Variants in PPP4R2 observed in about 807,000 individuals in gnomAD.
PPP4R2 encodes protein phosphatase 4 regulatory subunit 2, also known as serine/threonine-protein phosphatase 4 regulatory subunit 2.
PPP4R2 carries 13 observed loss-of-function variants against 47.2 expected under a neutral mutation model. The observed-to-expected ratio is 0.28, with a 90% CI of 0.18 to 0.44. The LOEUF is 0.44. Ranked by LOEUF, PPP4R2 falls within the 20% of genes least tolerant of loss-of-function variation. The pLI, the probability that PPP4R2 is intolerant of heterozygous loss-of-function variation, is 1.00. For synonymous variants in PPP4R2, 151 were observed against 163.3 expected (o/e 0.92, Z 0.57); for missense variants, 421 against 491.2 (o/e 0.86, Z 1.35).
At chr3:73,037,237 CTAA>C (rs1223446263) in intron 2 of PPP4R2, among the ~76,000 whole-genome samples, 2 of 152,058 alleles carry the variant, frequency 1.3e-5, no homozygotes, top group African/African-American at 2.4e-5. Context: ...GATTTTAATG[CTAA>C]TGAGTATATT....
In PPP4R2 at chr3:73,065,031, TAGG is replaced by T; in HGVS notation, c.821_823del (p.Gly274del). On this transcript the variant is annotated inframe_deletion, in exon 8 of 9. Transcript: ENST00000356692. ...TCCAGCGAAATTTCTTCAGTTATGG[TAGG>T]AGAAACAGAAGCATCATCTTCATCT... 2 of 1,613,796 alleles carry T rather than the reference TAGG, an allele frequency of 1.2e-6. No homozygotes were observed. Among genetic ancestry groups the T allele is most frequent in the Non-Finnish European group, 1.7e-6 (2 of 1,179,852 alleles).
At chr3:73,032,061 G>C (rs554386359) in intron 2 of PPP4R2, among the ~76,000 whole-genome samples, 2 of 152,286 alleles carry the variant, frequency 1.3e-5, no homozygotes, top group South Asian at 4.1e-4. Flanking sequence ...CAGGCTTCCA[G>C]ACTCCAGAGC....
intron 2 of PPP4R2, among the ~76,000 whole-genome samples, chr3:73,043,749 A>G (rs970202665): frequency 3.9e-5 from 6 of 152,180 alleles, no homozygotes; most frequent in African/African-American, 1.2e-4. Flanking sequence ...GGAAATACCT[A>G]TTGAAATATA....
At chr3:73,054,779 A>G (rs1702694271) in intron 3 of PPP4R2, among the ~76,000 whole-genome samples, 1 of 152,176 alleles carries the variant, frequency 6.6e-6, no homozygotes, top group African/African-American at 2.4e-5. Flanking sequence ...GTCTGAATGA[A>G]GTGCGCACTT....
At chr3:73,053,411 A>C (rs1348842171) in intron 3 of PPP4R2, among the ~76,000 whole-genome samples, 1 of 152,204 alleles carries the variant, frequency 6.6e-6, no homozygotes, top group Non-Finnish European at 1.5e-5. Flanking sequence ...AATAAACTTA[A>C]AAATTGAAAT....
At chr3:73,009,472 C>T (rs772891388) in intron 2 of PPP4R2, among the ~76,000 whole-genome samples, 1 of 152,194 alleles carries the variant, frequency 6.6e-6, no homozygotes, top group Non-Finnish European at 1.5e-5. Flanking sequence ...CCTGTATGCA[C>T]ATGTGTATCT....
At position 73,067,434 on chromosome 3, in the gene PPP4R2, G is replaced by T. The variant is rs1165411506; in HGVS notation, c.*1712G>T. On this transcript the variant is annotated 3_prime_UTR_variant, in exon 9 of 9. Transcript: ENST00000356692. Reference sequence around the variant, plus strand: ...TTTGTAGGATAATATACTACTGACTGACTTGACTGTCAGGTTCACAACAGC... The same window carrying T: ...TTTGTAGGATAATATACTACTGACTTACTTGACTGTCAGGTTCACAACAGC... The T allele has an allele frequency of 6.6e-6, 1 of 152,088 alleles. No individual in the cohort carries two copies. Among genetic ancestry groups the T allele is most frequent in the Non-Finnish European group, 1.5e-5 (1 of 67,974 alleles). 9.4% of individuals were successfully genotyped at this position (152,088 alleles called of 1,614,324 possible). A position where few individuals can be genotyped will look rare whatever the true frequency, so the allele number is the denominator to read the frequency against.
At chr3:73,063,399 C>T (rs891434756) in intron 5 of PPP4R2, 1 of 277,908 alleles carries the variant, frequency 3.6e-6, no homozygotes, top group Non-Finnish European at 6.9e-6. Flanking sequence ...CGAGGTGGGC[C>T]GATCACTTGA....
intron 2 of PPP4R2, among the ~76,000 whole-genome samples, chr3:73,018,477 A>G (rs1345408853): frequency 1.7e-5 from 1 of 58,174 alleles, no homozygotes; most frequent in African/African-American, 7.3e-5. Flanking sequence ...TATCCGAAAC[A>G]GGGTCTTGCT....
intron 4 of PPP4R2, among the ~76,000 whole-genome samples, 156 bp downstream of exon 4, chr3:73,059,286 G>A (rs529256912): frequency 2.0e-5 from 3 of 152,244 alleles, no homozygotes; most frequent in African/African-American, 2.4e-5. Context: ...ATTGCATTCT[G>A]TTTTACAGAG....
rs1276633811 is a variant in PPP4R2, at chr3:73,068,451, A to G, written c.*2729A>G. ...ATATCCTTGTACATTTTTGAAAAAT[A>G]TATTTTCAGTTCTGAAAAATGTAGC... is the stretch of plus-strand genomic sequence containing the variant. On this transcript the variant is annotated 3_prime_UTR_variant, in exon 9 of 9. Transcript: ENST00000356692. 7 of 152,210 alleles carry G rather than the reference A, an allele frequency of 4.6e-5. No homozygotes were observed. The highest frequency in any genetic ancestry group is 2.1e-4 in the South Asian group (1 of 4,834). 9.4% of individuals were successfully genotyped at this position (152,210 alleles called of 1,614,324 possible). A position where few individuals can be genotyped will look rare whatever the true frequency, so the allele number is the denominator to read the frequency against.
intron 2 of PPP4R2, among the ~76,000 whole-genome samples, chr3:73,038,068 G>A (rs963180511): frequency 6.6e-6 from 1 of 152,138 alleles, no homozygotes; most frequent in African/African-American, 2.4e-5. Context: ...TGACACATGT[G>A]GGGGTGAAGG....
chr3:73,044,678 G>A (rs1702449041), intron 2 of PPP4R2, among the ~76,000 whole-genome samples: 1 of 152,134 alleles, frequency 6.6e-6, no homozygotes, highest in South Asian at 2.1e-4. Flanking sequence ...GTGTAAAGTG[G>A]TATTGTGATT....
chr3:73,037,012 T>C (rs1559558760), intron 2 of PPP4R2, among the ~76,000 whole-genome samples: 2 of 152,222 alleles, frequency 1.3e-5, no homozygotes, highest in Non-Finnish European at 2.9e-5. Flanking sequence ...TTTTAAGCTT[T>C]AATCATTTAC....
rs571522110 is a variant in PPP4R2 at position 73,062,674 on chromosome 3, G to C, written c.420-999G>C. ...TTGATAGGCATTGCGGCTGGATCAA[G>C]TGATAAGATTTGCACCAGCAGTCTC... On this transcript the variant is annotated intron_variant, in intron 5 of 8. Transcript: ENST00000356692. The C allele has an allele frequency of 3.1e-6, 5 of 1,613,978 alleles. No individual in the cohort carries two copies. The African/African-American group carries it at 5.3e-5, about 17-fold the overall frequency.
At chr3:73,013,786 G>A (rs1377464547) in intron 2 of PPP4R2, among the ~76,000 whole-genome samples, 1 of 152,036 alleles carries the variant, frequency 6.6e-6, no homozygotes, top group Non-Finnish European at 1.5e-5. Flanking sequence ...TTACGGGCAC[G>A]TGCCACCGTG....
intron 2 of PPP4R2, among the ~76,000 whole-genome samples, chr3:73,003,807 T>A (rs966526406): frequency 3.9e-5 from 6 of 152,104 alleles, no homozygotes; most frequent in Non-Finnish European, 8.8e-5. Flanking sequence ...CAAGCGATTT[T>A]TCTGCCACAG....
At chr3:73,022,183 C>T (rs1701974020) in intron 2 of PPP4R2, among the ~76,000 whole-genome samples, 1 of 152,064 alleles carries the variant, frequency 6.6e-6, no homozygotes, top group Non-Finnish European at 1.5e-5. Flanking sequence ...AGGCACGAAC[C>T]ACTGCGCCCA....
chr3:73,007,231 T>C (rs1701627177), intron 2 of PPP4R2, among the ~76,000 whole-genome samples: 1 of 152,226 alleles, frequency 6.6e-6, no homozygotes, highest in African/African-American at 2.4e-5. Context: ...TTGATAATAA[T>C]ACTCGTTGTT....
Sources: allele counts gnomAD v4.1 joint callset (sites outside exome capture counted in the v4.1 genomes callset), GRCh38; gene constraint gnomAD v4.1.1; transcripts MANE v1.5; gene names NCBI Gene and HGNC (gene_info 2026-07-23, HGNC 2026-07-21).